The following GPR45 variants were observed in gnomAD, a reference collection of about 807,000 sequenced individuals.
The protein encoded by GPR45 is probable G protein-coupled receptor 45.
GPR45 carries 7 observed loss-of-function variants against 5.9 expected under a neutral mutation model. That is an observed-to-expected ratio of 1.19 (90% CI 0.68 to 2.23). GPR45 has a LOEUF of 2.23. Among genes scored for constraint, GPR45 ranks in the 30% most tolerant of loss-of-function variants. GPR45 has a pLI of 0.00. For synonymous variants in GPR45, 220 were observed against 226.3 expected, an observed-to-expected ratio of 0.97 and a Z score of 0.25; for missense variants, 440 against 496.9, an observed-to-expected ratio of 0.89 and a Z score of 1.09.
In GPR45 at chr2:105,242,971, G is replaced by C. The variant is rs949071111; in HGVS notation, c.1113G>C (p.Ala371=). ...ACGTGTGCAATGAAAACCAGTCTGCGGTTTAGGGGGTCAGGGGGCCACAGA... is the reference window on the plus strand; with the variant it reads ...ACGTGTGCAATGAAAACCAGTCTGCCGTTTAGGGGGTCAGGGGGCCACAGA... ...TVYVCNENQS[A]V The change falls in exon 1 of 1, where the codon GCG becomes GCC. Residue 371 remains alanine, a synonymous_variant. Transcript: ENST00000258456. This position sits in a 1 kb window ranked among gnomAD's most constrained non-coding sequence, Gnocchi z 4.8. The C allele has an allele frequency of 6.2e-7, 1 of 1,612,200 alleles. No individual in the cohort carries two copies. The highest frequency in any genetic ancestry group is 8.5e-7 in the Non-Finnish European group (1 of 1,178,576).
Position 105,243,104 on chromosome 2 carries a change from C to A in GPR45, c.*127C>A. 1 of 1,223,022 alleles carries A rather than the reference C, an allele frequency of 8.2e-7. No individual in the cohort carries two copies. Among genetic ancestry groups the A allele is most frequent in the Non-Finnish European group, 1.1e-6 (1 of 884,198 alleles). The allele number at this position is 1,223,022 out of a possible 1,614,324, so 75.8% of individuals were successfully genotyped here. ...GTGGCAATTTAAGCACAAAGGTACT[C>A]ATTTGTAATCAGATGAGCTGCAGCT... On this transcript the variant is annotated 3_prime_UTR_variant, in exon 1 of 1. Transcript: ENST00000258456.
Position 105,242,978 on chromosome 2 carries a change from G to C in GPR45, c.*1G>C, listed in dbSNP as rs772515009. On this transcript the variant is annotated 3_prime_UTR_variant, in exon 1 of 1. Coordinates refer to ENST00000258456, the MANE Select transcript of GPR45 (RefSeq NM_007227.3). The surrounding 1 kb of genome is among the most constrained non-coding windows in gnomAD (Gnocchi z 4.8). ...CAATGAAAACCAGTCTGCGGTTTAGGGGGTCAGGGGGCCACAGAGAAGGGG... is the reference window on the plus strand; with the variant it reads ...CAATGAAAACCAGTCTGCGGTTTAGCGGGTCAGGGGGCCACAGAGAAGGGG... 6.2e-7 allele frequency: 1 copy of C among 1,610,836 alleles called. No homozygotes were observed. The highest frequency in any genetic ancestry group is 1.1e-5 in the South Asian group (1 of 90,854).
At position 105,241,919 on chromosome 2, in the gene GPR45, G is replaced by A. The variant is rs1289396618; in HGVS notation, c.61G>A (p.Ala21Thr). 3.1e-6 allele frequency: 5 copies of A among 1,605,250 alleles called. No homozygotes were observed. In the South Asian group the frequency reaches 3.3e-5, roughly 11 times the overall value. ...YTYLLLNTSN[A>T]SDSGSTQLPA... ...ATACCTGCTGCTGAACACCAGCAAC[G>A]CCTCAGACTCGGGGTCCACCCAGTT... Residue 21 changes from alanine to threonine, a missense_variant, in exon 1 of 1, where the codon GCC becomes ACC. Transcript: ENST00000258456.
chr2:105,241,935 C>A lies in GPR45; in HGVS notation c.77C>A (p.Ser26Tyr). Reference protein sequence around the residue: ...LNTSNASDSGSTQLPAPLRIS... With the variant: ...LNTSNASDSGYTQLPAPLRIS... ...ACCAGCAACGCCTCAGACTCGGGGTCCACCCAGTTGCCCGCACCCCTCAGG... is the reference window on the plus strand; with the variant it reads ...ACCAGCAACGCCTCAGACTCGGGGTACACCCAGTTGCCCGCACCCCTCAGG... The change falls in exon 1 of 1, where the codon TCC (serine) becomes TAC (tyrosine). Residue 26 changes from serine (S) to tyrosine (Y), a missense_variant. Physicochemically the swap from Ser to Tyr is moderately radical, Grantham distance 144. Transcript: ENST00000258456. 1 of 1,611,044 alleles carries A rather than the reference C, an allele frequency of 6.2e-7. No individual in the cohort carries two copies. The highest frequency in any genetic ancestry group is 1.7e-5 in the Admixed American group (1 of 59,954).
chr2:105,241,824 G>A lies in GPR45; in HGVS notation c.-35G>A. 1 of 1,525,260 alleles carries A rather than the reference G, an allele frequency of 6.6e-7. No homozygotes were observed. Among genetic ancestry groups the A allele is most frequent in the Non-Finnish European group, 8.8e-7 (1 of 1,135,044 alleles). 94.5% of individuals were successfully genotyped at this position (1,525,260 alleles called of 1,614,324 possible). On this transcript the variant is annotated 5_prime_UTR_variant, in exon 1 of 1. Transcript: ENST00000258456. ...CCAAGTGCTGAGGGGAGCCCTCCCGGCCATTTCTGTCCCAGCTCCAAGGGT... is the reference window on the plus strand; with the variant it reads ...CCAAGTGCTGAGGGGAGCCCTCCCGACCATTTCTGTCCCAGCTCCAAGGGT...
rs1676370588 is a variant in GPR45, at chr2:105,242,470, C to T, written c.612C>T (p.Phe204=). The T allele has an allele frequency of 1.2e-6, 2 of 1,606,190 alleles. No individual in the cohort carries two copies. The highest frequency in any genetic ancestry group is 1.3e-5 in the African/African-American group (1 of 74,942). The change falls in exon 1 of 1, where the codon TTC becomes TTT. Residue 204 remains phenylalanine, a synonymous_variant. Coordinates refer to ENST00000258456, the MANE Select transcript of GPR45 (RefSeq NM_007227.3). The surrounding 1 kb of genome is among the most constrained non-coding windows in gnomAD (Gnocchi z 4.8). ...TGGTCACCTTGGTGGTGGCCGTGTTCTTCGCGCCCTTTGGCGTCATGCTGT... is the reference window on the plus strand; with the variant it reads ...TGGTCACCTTGGTGGTGGCCGTGTTTTTCGCGCCCTTTGGCGTCATGCTGT... ...AYVVTLVVAV[F]FAPFGVMLCA... is the part of the protein sequence containing the mutation.
At position 105,242,497 on chromosome 2, in the gene GPR45, C is replaced by G. The variant is rs1229194789; in HGVS notation, c.639C>G (p.Cys213Trp). 1.2e-6 allele frequency: 2 copies of G among 1,605,284 alleles called. No homozygotes were observed. The highest frequency in any genetic ancestry group is 1.7e-6 in the Non-Finnish European group (2 of 1,179,850). Residue 213 changes from cysteine (C) to tryptophan (W), a missense_variant, in exon 1 of 1, where the codon TGC becomes TGG. Coordinates refer to ENST00000258456, the MANE Select transcript of GPR45 (RefSeq NM_007227.3). The surrounding 1 kb of genome is among the most constrained non-coding windows in gnomAD (Gnocchi z 4.8). Reference protein sequence around the residue: ...VFFAPFGVMLCAYMCILNTVR... With the variant: ...VFFAPFGVMLWAYMCILNTVR... ...TCGCGCCCTTTGGCGTCATGCTGTG[C>G]GCCTACATGTGCATCCTCAACACGG...
Position 105,242,981 on chromosome 2 carries a change from G to T in GPR45, c.*4G>T, listed in dbSNP as rs201532281. The stretch of plus-strand genomic sequence containing the variant: ...TGAAAACCAGTCTGCGGTTTAGGGG[G>T]TCAGGGGGCCACAGAGAAGGGGCAG... On this transcript the variant is annotated 3_prime_UTR_variant, in exon 1 of 1. Transcript: ENST00000258456. This position sits in a 1 kb window ranked among gnomAD's most constrained non-coding sequence, Gnocchi z 4.8. 1,382 of 1,610,550 alleles carry T rather than the reference G, an allele frequency of 8.6e-4. 3 individuals carry two copies. The highest frequency in any genetic ancestry group is 1.1e-3 in the Non-Finnish European group (1,289 of 1,177,572).
Position 105,242,513 on chromosome 2 carries a change from C to T in GPR45, c.655C>T (p.Leu219Phe), listed in dbSNP as rs769899916. The T allele has an allele frequency of 2.5e-6, 4 of 1,605,692 alleles. No individual in the cohort carries two copies. Among genetic ancestry groups the T allele is most frequent in the Admixed American group, 3.3e-5 (2 of 59,996 alleles). The part of the protein sequence containing the change: ...GVMLCAYMCI[L>F]NTVRKNAVRV... ...CATGCTGTGCGCCTACATGTGCATC[C>T]TCAACACGGTCCGCAAGAACGCCGT... Residue 219 changes from leucine (L) to phenylalanine (F), a missense_variant, in exon 1 of 1, where the codon CTC (leucine) becomes TTC (phenylalanine). Leu to Phe is a conservative substitution (Grantham distance 22, BLOSUM62 0). Transcript: ENST00000258456. The surrounding 1 kb of genome is among the most constrained non-coding windows in gnomAD (Gnocchi z 4.8).
chr2:105,242,180 C>T lies in GPR45; in HGVS notation c.322C>T (p.Arg108Cys), dbSNP rs1676365222. Residue 108 changes from arginine to cysteine, a missense_variant, in exon 1 of 1, where the codon CGC (arginine) becomes TGC (cysteine). Physicochemically the swap from Arg to Cys is radical, Grantham distance 180 (BLOSUM62 -3). Coordinates refer to ENST00000258456, the MANE Select transcript of GPR45 (RefSeq NM_007227.3). This position sits in a 1 kb window ranked among gnomAD's most constrained non-coding sequence, Gnocchi z 4.8. ...CTGGCACTTTGGGGACCACTTCTGC[C>T]GCCTCTCAGCCACGCTCTACTGGTT... ...VRWHFGDHFC[R>C]LSATLYWFFV... The T allele has an allele frequency of 2.5e-6, 4 of 1,614,024 alleles. No individual in the cohort carries two copies. Among genetic ancestry groups the T allele is most frequent in the Non-Finnish European group, 3.4e-6 (4 of 1,180,044 alleles).
chr2:105,243,185 C>A lies in GPR45; in HGVS notation c.*208C>A. 1 of 642,838 alleles carries A rather than the reference C, an allele frequency of 1.6e-6. No individual in the cohort carries two copies. Among genetic ancestry groups the A allele is most frequent in the Non-Finnish European group, 2.6e-6 (1 of 381,720 alleles). The allele number at this position is 642,838 out of a possible 1,614,324, so 39.8% of individuals were successfully genotyped here. A position where few individuals can be genotyped will look rare whatever the true frequency, so the allele number is the denominator to read the frequency against. On this transcript the variant is annotated 3_prime_UTR_variant, in exon 1 of 1. Transcript: ENST00000258456. ...ATTTTTGTTTCTCTTTGCAGAGAGC[C>A]AAATATGGGGCTGATGGGAACTGCA...
rs1173529372 is a variant in GPR45, at chr2:105,242,600, C to T, written c.742C>T (p.Arg248Cys). 1 of 1,609,012 alleles carries T rather than the reference C, an allele frequency of 6.2e-7. No homozygotes were observed. Among genetic ancestry groups the T allele is most frequent in the East Asian group, 2.2e-5 (1 of 44,776 alleles). Reference sequence around the variant, plus strand: ...GCAGCTCACCAGGGCGGGCCTGCGGCGCCTGCAGCGGCAGCAACAGGTCAG... The same window carrying T: ...GCAGCTCACCAGGGCGGGCCTGCGGTGCCTGCAGCGGCAGCAACAGGTCAG... Reference protein sequence around the residue: ...LRQLTRAGLRRLQRQQQVSVD... With the variant: ...LRQLTRAGLRCLQRQQQVSVD... Residue 248 changes from arginine (R) to cysteine (C), a missense_variant, in exon 1 of 1, where the codon CGC becomes TGC. Arg to Cys is a radical substitution (Grantham distance 180). Transcript: ENST00000258456. The surrounding 1 kb of genome is among the most constrained non-coding windows in gnomAD (Gnocchi z 4.8).
In GPR45 at chr2:105,242,381, G is replaced by A. The variant is rs902149476; in HGVS notation, c.523G>A (p.Val175Met). 1 of 1,612,388 alleles carries A rather than the reference G, an allele frequency of 6.2e-7. No homozygotes were observed. Among genetic ancestry groups the A allele is most frequent in the African/African-American group, 1.3e-5 (1 of 74,918 alleles). ...PSLTGWTLVE[V>M]PARAPQCVLG... ...GCTCACGGGCTGGACGCTGGTGGAGGTGCCGGCGCGGGCCCCACAGTGCGT... is the reference window on the plus strand; with the variant it reads ...GCTCACGGGCTGGACGCTGGTGGAGATGCCGGCGCGGGCCCCACAGTGCGT... Residue 175 changes from valine to methionine, a missense_variant, in exon 1 of 1, where the codon GTG becomes ATG. By Grantham distance (21) the Val-to-Met change is conservative (BLOSUM62 1). Transcript: ENST00000258456. The surrounding 1 kb of genome is among the most constrained non-coding windows in gnomAD (Gnocchi z 4.8).
chr2:105,242,056 C>A lies in GPR45; in HGVS notation c.198C>A (p.Arg66=), dbSNP rs116228228. ...CIIVYQRPAM[R]SAINLLLATL... is the part of the protein sequence containing the mutation. ...TCGTGTACCAGAGGCCGGCTATGCG[C>A]TCGGCCATCAACCTGCTGCTGGCCA... The change falls in exon 1 of 1, where the codon CGC becomes CGA. Residue 66 remains arginine (R), a synonymous_variant. Transcript: ENST00000258456. The surrounding 1 kb of genome is among the most constrained non-coding windows in gnomAD (Gnocchi z 4.8). The A allele has an allele frequency of 1.1e-3, 1,838 of 1,614,172 alleles. 20 individuals are homozygous for A. In the African/African-American group the frequency reaches 0.022, roughly 19 times the overall value.
In GPR45 at chr2:105,242,681, G is replaced by T; in HGVS notation, c.823G>T (p.Gly275Cys). The T allele has an allele frequency of 6.2e-7, 1 of 1,600,894 alleles. No homozygotes were observed. Among genetic ancestry groups the T allele is most frequent in the Non-Finnish European group, 8.5e-7 (1 of 1,172,182 alleles). ...AFTTILILFV[G>C]FSLCWLPHSV... is the part of the protein sequence containing the mutation. ...CACCACCATCCTGATCCTCTTCGTG[G>T]GCTTCTCCCTCTGCTGGCTGCCCCA... Residue 275 changes from glycine (G) to cysteine (C), a missense_variant, in exon 1 of 1, where the codon GGC (glycine) becomes TGC (cysteine). By Grantham distance (159) the Gly-to-Cys change is radical. Transcript: ENST00000258456. This position sits in a 1 kb window ranked among gnomAD's most constrained non-coding sequence, Gnocchi z 4.8.
At position 105,242,694 on chromosome 2, in the gene GPR45, G is replaced by C. The variant is rs539216616; in HGVS notation, c.836G>C (p.Cys279Ser). Residue 279 changes from cysteine (C) to serine (S), a missense_variant, in exon 1 of 1, where the codon TGC (cysteine) becomes TCC (serine). Physicochemically the swap from Cys to Ser is moderately radical, Grantham distance 112 (BLOSUM62 -1). Coordinates refer to ENST00000258456, the MANE Select transcript of GPR45 (RefSeq NM_007227.3). The surrounding 1 kb of genome is among the most constrained non-coding windows in gnomAD (Gnocchi z 4.8). ...ATCCTCTTCGTGGGCTTCTCCCTCT[G>C]CTGGCTGCCCCACTCCGTCTACAGC... is the stretch of plus-strand genomic sequence containing the variant. ...ILILFVGFSL[C>S]WLPHSVYSLL... 6.2e-7 allele frequency: 1 copy of C among 1,604,180 alleles called. No homozygotes were observed. The highest frequency in any genetic ancestry group is 8.5e-7 in the Non-Finnish European group (1 of 1,173,814).
At position 105,242,068 on chromosome 2, in the gene GPR45, C is replaced by T. The variant is rs1408357642; in HGVS notation, c.210C>T (p.Asn70=). Residue 70 remains asparagine (N), a synonymous_variant, in exon 1 of 1, where the codon AAC becomes AAT. Coordinates refer to ENST00000258456, the MANE Select transcript of GPR45 (RefSeq NM_007227.3). The surrounding 1 kb of genome is among the most constrained non-coding windows in gnomAD (Gnocchi z 4.8). ...GGCCGGCTATGCGCTCGGCCATCAA[C>T]CTGCTGCTGGCCACCCTGGCCTTCT... ...YQRPAMRSAI[N]LLLATLAFSD... The T allele has an allele frequency of 4.3e-6, 7 of 1,614,102 alleles. No homozygotes were observed. Among genetic ancestry groups the T allele is most frequent in the African/African-American group, 4.0e-5 (3 of 74,942 alleles).
In GPR45 at chr2:105,241,879, C is replaced by T; in HGVS notation, c.21C>T (p.Ser7=). 2 of 1,573,782 alleles carry T rather than the reference C, an allele frequency of 1.3e-6. No individual in the cohort carries two copies. Among genetic ancestry groups the T allele is most frequent in the Non-Finnish European group, 1.7e-6 (2 of 1,156,144 alleles). Residue 7 remains serine (S), a synonymous_variant, in exon 1 of 1, where the codon TCC becomes TCT. Coordinates refer to ENST00000258456, the MANE Select transcript of GPR45 (RefSeq NM_007227.3). MACNST[S]LEAYTYLLLN... ...CCACGATGGCCTGCAACAGCACGTC[C>T]CTTGAGGCTTACACATACCTGCTGC... is the stretch of plus-strand genomic sequence containing the variant.
chr2:105,243,188 A>G lies in GPR45; in HGVS notation c.*211A>G. 3.1e-6 allele frequency: 2 copies of G among 635,106 alleles called. No individual in the cohort carries two copies. Among genetic ancestry groups the G allele is most frequent in the Non-Finnish European group, 5.3e-6 (2 of 374,772 alleles). 39.3% of individuals were successfully genotyped at this position (635,106 alleles called of 1,614,324 possible). A position where few individuals can be genotyped will look rare whatever the true frequency, so the allele number is the denominator to read the frequency against. ...TTTGTTTCTCTTTGCAGAGAGCCAA[A>G]TATGGGGCTGATGGGAACTGCAACG... On this transcript the variant is annotated 3_prime_UTR_variant, in exon 1 of 1. Transcript: ENST00000258456.
Sources: allele counts gnomAD v4.1 joint callset, GRCh38; gene constraint gnomAD v4.1.1; non-coding constraint Gnocchi (gnomAD v3.1); transcripts MANE v1.5; gene names NCBI Gene and HGNC (gene_info 2026-07-23, HGNC 2026-07-21).